The following PALLD variants were observed in gnomAD, a reference collection of about 807,000 sequenced individuals.
The protein encoded by PALLD is palladin.
In PALLD, 61 loss-of-function variants were observed where a neutral mutation model predicts 123.5. The ratio of observed to expected loss-of-function variants is 0.49; its 90% CI spans 0.40 to 0.61. The LOEUF (loss-of-function observed/expected upper bound fraction) is 0.61. Among genes scored for constraint, PALLD ranks in the 20% least tolerant of loss-of-function variants. The pLI is 0.00. For synonymous variants in PALLD, 465 were observed against 496.4 expected, an observed-to-expected ratio of 0.94 and a Z score of 0.84; for missense variants, 1,273 against 1,377.0, an observed-to-expected ratio of 0.92 and a Z score of 1.20.
At chr4:168,723,708 G>A (rs777920958) in intron 10 of PALLD, among the ~76,000 whole-genome samples, 2 of 152,196 alleles carry the variant, frequency 1.3e-5, no homozygotes, top group East Asian at 1.9e-4. Context: ...CAAAAGCATC[G>A]TCCTGAGGAT....
At chr4:168,720,463 T>C (rs1475816813) in intron 10 of PALLD, among the ~76,000 whole-genome samples, 4 of 151,238 alleles carry the variant, frequency 2.6e-5, no homozygotes, top group Non-Finnish European at 4.4e-5. Context: ...GTCTTCAAAA[T>C]ATTAGGGAAG....
chr4:168,549,919 T>C (rs1766557650), intron 2 of PALLD, among the ~76,000 whole-genome samples: 1 of 152,230 alleles, frequency 6.6e-6, no homozygotes, highest in African/African-American at 2.4e-5. Context: ...AAGTTTATGA[T>C]GGTTCTGACA....
At chr4:168,836,247 G>A (rs1241787341) in intron 10 of PALLD, among the ~76,000 whole-genome samples, 1 of 152,204 alleles carries the variant, frequency 6.6e-6, no homozygotes, top group East Asian at 1.9e-4. Flanking sequence ...CCAAAGCTCT[G>A]CCACTATGGT....
At chr4:168,703,098 C>G (rs148641359) in intron 8 of PALLD, among the ~76,000 whole-genome samples, 18,167 of 133,298 alleles carry the variant, frequency 0.14, 1,693 homozygotes, top group African/African-American at 0.26. Context: ...GTGATATTCC[C>G]CTTCCTGTGT....
chr4:168,874,743 C>T (rs1333544409), intron 10 of PALLD, among the ~76,000 whole-genome samples: 1 of 152,066 alleles, frequency 6.6e-6, no homozygotes, highest in African/African-American at 2.4e-5. Context: ...AGGTTCTAAC[C>T]TGGCTCTGCA....
chr4:168,906,575 AC>A (rs1253602340), intron 15 of PALLD, among the ~76,000 whole-genome samples: 1 of 152,170 alleles, frequency 6.6e-6, no homozygotes, highest in Non-Finnish European at 1.5e-5. Flanking sequence ...ATCACATTGT[AC>A]CCCACAAATA....
rs549765786 is a variant in PALLD, at chr4:168,595,932, A to G, written c.909-72258A>G. ...GTAATGTACCTTGTGAACCTGAAAT[A>G]AAAATTGAAAAGGAAAAAAAAAAAA... On this transcript the variant is annotated intron_variant, in intron 2 of 21. Transcript: ENST00000505667. Among the ~76,000 whole-genome samples the G allele has an allele frequency of 6.0e-5, 9 of 149,830 alleles. 1 individual carries two copies. Among genetic ancestry groups the G allele is most frequent in the Middle Eastern group, 3.4e-3 (1 of 290 alleles).
chr4:168,596,499 G>A (rs542730866), intron 2 of PALLD, among the ~76,000 whole-genome samples: 1 of 152,110 alleles, frequency 6.6e-6, no homozygotes, highest in Non-Finnish European at 1.5e-5. Context: ...GGTTGGCATG[G>A]TTCACTCATC....
chr4:168,805,705 A>T (rs528256604), intron 10 of PALLD, among the ~76,000 whole-genome samples: 1 of 152,140 alleles, frequency 6.6e-6, no homozygotes, highest in African/African-American at 2.4e-5. Flanking sequence ...TTACAGAGGT[A>T]ATTGCTTTGG....
intron 10 of PALLD, among the ~76,000 whole-genome samples, chr4:168,831,055 C>T (rs998700019): frequency 4.6e-5 from 7 of 152,144 alleles, no homozygotes; most frequent in African/African-American, 1.7e-4. Flanking sequence ...TCCCAGTGGC[C>T]AAGGAGCACA....
intron 10 of PALLD, among the ~76,000 whole-genome samples, chr4:168,766,785 G>C (rs1733726925): frequency 6.6e-6 from 1 of 152,176 alleles, no homozygotes; most frequent in African/African-American, 2.4e-5. Context: ...AGTCATTCTA[G>C]CAATAACATG....
intron 10 of PALLD, among the ~76,000 whole-genome samples, chr4:168,718,939 G>A (rs1446174710): frequency 7.2e-6 from 1 of 138,538 alleles, no homozygotes; most frequent in Non-Finnish European, 1.5e-5. Context: ...ACGGAGTCTC[G>A]CTCTGTTGCC....
At chr4:168,728,331 T>C (rs986958603) in intron 10 of PALLD, among the ~76,000 whole-genome samples, 8 of 152,324 alleles carry the variant, frequency 5.3e-5, no homozygotes, top group East Asian at 1.9e-4. Flanking sequence ...ATCTTTCCAA[T>C]CCATTAGCAT....
chr4:168,903,257 C>T (rs908192589), intron 14 of PALLD, among the ~76,000 whole-genome samples: 4 of 152,186 alleles, frequency 2.6e-5, no homozygotes, highest in Non-Finnish European at 5.9e-5. Context: ...TCCCTACCAA[C>T]CTCTTTTATT....
chr4:168,536,994 A>T (rs1765166841), intron 2 of PALLD, among the ~76,000 whole-genome samples: 1 of 152,028 alleles, frequency 6.6e-6, no homozygotes, highest in South Asian at 2.1e-4. Flanking sequence ...CGCCCGGCTA[A>T]TTTTTTTGTA....
At chr4:168,672,506 T>A (rs1780385241) in intron 3 of PALLD, among the ~76,000 whole-genome samples, 1 of 151,906 alleles carries the variant, frequency 6.6e-6, no homozygotes, top group Non-Finnish European at 1.5e-5. Flanking sequence ...TCACCCAGGC[T>A]GGAGTGCAGT....
At chr4:168,562,171 G>A (rs1342796010) in intron 2 of PALLD, among the ~76,000 whole-genome samples, 1 of 151,384 alleles carries the variant, frequency 6.6e-6, no homozygotes, top group Non-Finnish European at 1.5e-5. Flanking sequence ...TTACCTTCCA[G>A]TATGTGCCAT....
intron 2 of PALLD, among the ~76,000 whole-genome samples, chr4:168,621,733 CTT>C (rs1421224228): frequency 6.6e-6 from 1 of 152,208 alleles, no homozygotes; most frequent in Non-Finnish European, 1.5e-5. Context: ...CAACCTCTCT[CTT>C]GGCAGGTGTG....
At chr4:168,781,989 T>G (rs1429113914) in intron 10 of PALLD, among the ~76,000 whole-genome samples, 1 of 152,108 alleles carries the variant, frequency 6.6e-6, no homozygotes, top group African/African-American at 2.4e-5. Flanking sequence ...AAATGCTGTC[T>G]CTACCTGCCT....
Sources: allele counts gnomAD v4.1 joint callset (sites outside exome capture counted in the v4.1 genomes callset), GRCh38; gene constraint gnomAD v4.1.1; transcripts MANE v1.5; gene names NCBI Gene and HGNC (gene_info 2026-07-23, HGNC 2026-07-21).